CMTM6: variants seen among roughly 807,000 people sequenced by gnomAD.
CMTM6 encodes CKLF like MARVEL transmembrane domain containing 6.
A neutral mutation model predicts 13.6 loss-of-function variants in CMTM6; 5 were observed. That is an observed-to-expected ratio of 0.37 (90% CI 0.19 to 0.77). The LOEUF (loss-of-function observed/expected upper bound fraction) is 0.77. Ranked by LOEUF, CMTM6 falls within the 30% of genes least tolerant of loss-of-function variation. The pLI is 0.50. For missense variants in CMTM6, 196 were observed against 218.6 expected (o/e 0.90, Z 0.65); for synonymous variants, 99 against 84.5 (o/e 1.17, Z -0.94).
At chr3:32,492,394 G>T (rs1190262413) in intron 1 of CMTM6, among the ~76,000 whole-genome samples, 7 of 152,216 alleles carry the variant, frequency 4.6e-5, no homozygotes, top group Admixed American at 4.6e-4. Context: ...TAAGTATAGA[G>T]TTTAAGGGAA....
chr3:32,484,170 G>T, intron 3 of CMTM6, 73 bp from the exon 4 acceptor site: 3 of 1,255,854 alleles, frequency 2.4e-6, no homozygotes, highest in Non-Finnish European at 3.2e-6. Context: ...TTGGCTTGGA[G>T]AATGTTTCAT....
chr3:32,502,558 C>T lies in CMTM6; in HGVS notation c.138+50G>A, dbSNP rs779062964. The stretch of plus-strand genomic sequence containing the variant: ...AGCTCGGCGGCCTCCCAAGCCCGGG[C>T]CAGACCCCGCTCCCCAGCCCGGGCT... On this transcript the variant is annotated intron_variant, in intron 1 of 3. Coordinates refer to ENST00000205636, the MANE Select transcript of CMTM6 (RefSeq NM_017801.3). The T allele has an allele frequency of 7.7e-6, 12 of 1,557,440 alleles. No individual in the cohort carries two copies. The Admixed American group carries it at 1.7e-4, about 22-fold the overall frequency.
At chr3:32,488,169 A>G (rs575243836) in intron 2 of CMTM6, 133 bp from the exon 3 acceptor site, 2 of 615,534 alleles carry the variant, frequency 3.2e-6, no homozygotes, top group East Asian at 2.8e-5. Context: ...TTACATACCC[A>G]AACTTCTAAC....
intron 1 of CMTM6, among the ~76,000 whole-genome samples, chr3:32,499,914 AACCTT>A (rs1040820460): frequency 4.6e-5 from 7 of 152,016 alleles, no homozygotes; most frequent in African/African-American, 1.7e-4. Flanking sequence ...AAAAAAAAAA[AACCTT>A]AAGAGTGCAA....
chr3:32,488,239 T>C (rs1697221686), intron 2 of CMTM6: 1 of 462,374 alleles, frequency 2.2e-6, no homozygotes, highest in Non-Finnish European at 3.9e-6. Context: ...CACACTGGGC[T>C]GGGATTATTG....
intron 1 of CMTM6, 103 bp downstream of exon 1, chr3:32,502,505 T>C (rs1438144861): frequency 1.0e-5 from 15 of 1,443,718 alleles, no homozygotes; most frequent in Admixed American, 2.3e-5. Context: ...AAACCTCCTT[T>C]TACTGAACAA....
At chr3:32,499,639 C>T (rs762088692) in intron 1 of CMTM6, among the ~76,000 whole-genome samples, 4 of 152,168 alleles carry the variant, frequency 2.6e-5, no homozygotes, top group Non-Finnish European at 5.9e-5. Flanking sequence ...AAAGTTAGGA[C>T]TCCAGTAACT....
At chr3:32,486,977 T>G (rs1236867828) in intron 3 of CMTM6, among the ~76,000 whole-genome samples, 1 of 152,220 alleles carries the variant, frequency 6.6e-6, no homozygotes, top group African/African-American at 2.4e-5. Context: ...CTATGCTTCC[T>G]ATAGAGCTGT....
Position 32,481,647 on chromosome 3 carries a change from A to C in CMTM6, c.*2313T>G, listed in dbSNP as rs1277952512. ...TACATAACAGTGGTTTCTGGTCCCA[A>C]GTTCCCCTTGAACTTATTTACTACA... On this transcript the variant is annotated 3_prime_UTR_variant, in exon 4 of 4. Coordinates refer to ENST00000205636, the MANE Select transcript of CMTM6 (RefSeq NM_017801.3). 6.6e-6 allele frequency: 1 copy of C among 152,222 alleles called. No individual in the cohort carries two copies. The highest frequency in any genetic ancestry group is 1.5e-5 in the Non-Finnish European group (1 of 68,044). 9.4% of individuals were successfully genotyped at this position (152,222 alleles called of 1,614,324 possible).
chr3:32,498,939 C>T (rs898367494), intron 1 of CMTM6, among the ~76,000 whole-genome samples: 4 of 151,966 alleles, frequency 2.6e-5, no homozygotes, highest in African/African-American at 7.3e-5. Context: ...ATATTAAATA[C>T]GAATTCTCCA....
At chr3:32,489,435 G>A (rs1697232563) in intron 2 of CMTM6, among the ~76,000 whole-genome samples, 1 of 152,134 alleles carries the variant, frequency 6.6e-6, no homozygotes, top group African/African-American at 2.4e-5. Context: ...TGGATCACCT[G>A]AGGTCAGGAG....
rs543732740 is a variant in CMTM6, at chr3:32,484,033, C to T, written c.479G>A (p.Arg160Gln). The change falls in exon 4 of 4, where the codon CGA (arginine) becomes CAA (glutamine). Residue 160 changes from arginine (R) to glutamine (Q), a missense_variant. Physicochemically the swap from Arg to Gln is conservative, Grantham distance 43 (BLOSUM62 1). This residue lies in a region of CMTM6 where 111 missense variants were observed against 160.0 expected (regional missense o/e 0.69). Coordinates refer to ENST00000205636, the MANE Select transcript of CMTM6 (RefSeq NM_017801.3). ...AGGTTTTCTCAGCTGGGACTCCTGT[C>T]GTTTTTCATACAGCATAGTGATAAA... is the stretch of plus-strand genomic sequence containing the variant. ...LDFITMLYEK[R>Q]QESQLRKPEN... 3.7e-6 allele frequency: 6 copies of T among 1,611,538 alleles called. No individual in the cohort carries two copies. The highest frequency in any genetic ancestry group is 2.2e-5 in the East Asian group (1 of 44,686).
intron 1 of CMTM6, among the ~76,000 whole-genome samples, chr3:32,493,572 T>C (rs553494127): frequency 2.8e-4 from 42 of 152,056 alleles, no homozygotes; most frequent in Middle Eastern, 6.8e-3. Flanking sequence ...AAGATGCAGA[T>C]AAAGATGTGG....
intron 3 of CMTM6, among the ~76,000 whole-genome samples, chr3:32,484,365 G>A (rs572137383): frequency 4.0e-4 from 61 of 152,092 alleles, no homozygotes; most frequent in African/African-American, 1.5e-3. Flanking sequence ...ATATGTGGAG[G>A]GCTAATATAT....
rs1046999777 is a variant in CMTM6, at chr3:32,483,557, AT to A, written c.*402del. 2 of 153,026 alleles carry A rather than the reference AT, an allele frequency of 1.3e-5. No individual in the cohort carries two copies. Among genetic ancestry groups the A allele is most frequent in the African/African-American group, 4.8e-5 (2 of 41,502 alleles). The allele number at this position is 153,026 out of a possible 1,614,324, so 9.5% of individuals were successfully genotyped here. On this transcript the variant is annotated 3_prime_UTR_variant, in exon 4 of 4. Transcript: ENST00000205636. ...AACAGCTAAGCAAATTAATTTAAAA[AT>A]AAAACAATTTCTAAGTAGATGAATA...
Position 32,483,990 on chromosome 3 carries a change from A to AT in CMTM6, c.521_522insA (p.Glu175Ter). The AT allele has an allele frequency of 1.2e-6, 2 of 1,610,196 alleles. No individual in the cohort carries two copies. The highest frequency in any genetic ancestry group is 8.5e-7 in the Non-Finnish European group (1 of 1,178,802). On this transcript the variant is annotated frameshift_variant, in exon 4 of 4. Coordinates refer to ENST00000205636, the MANE Select transcript of CMTM6 (RefSeq NM_017801.3). LOFTEE classifies it high-confidence loss of function. ...CATTAAGTGGCTCAGTGAGGGCTTC[A>AT]GCCCTAGTGGTATTTTCAGGTTTTC...
At chr3:32,487,097 G>C (rs1165662629) in intron 3 of CMTM6, among the ~76,000 whole-genome samples, 1 of 152,048 alleles carries the variant, frequency 6.6e-6, no homozygotes, top group Non-Finnish European at 1.5e-5. Context: ...GGACAAGCAA[G>C]TTTTTTTTCT....
Position 32,491,723 on chromosome 3 carries a change from T to G in CMTM6, c.302A>C (p.Lys101Thr), listed in dbSNP as rs1417856664. Residue 101 changes from lysine (K) to threonine (T), a missense_variant, in exon 2 of 4, where the codon AAA (lysine) becomes ACA (threonine). Coordinates refer to ENST00000205636, the MANE Select transcript of CMTM6 (RefSeq NM_017801.3). ...TCTCATGCTTACCGATGATTTTACT[T>G]TTGTGGTATCAACTCTCTCATAAAA... Reference protein sequence around the residue: ...TPFYERVDTTKVKSSDFYITL... With the variant: ...TPFYERVDTTTVKSSDFYITL... 6.3e-7 allele frequency: 1 copy of G among 1,592,954 alleles called. No homozygotes were observed. Among genetic ancestry groups the G allele is most frequent in the Non-Finnish European group, 8.5e-7 (1 of 1,171,630 alleles).
intron 1 of CMTM6, among the ~76,000 whole-genome samples, chr3:32,501,847 C>T (rs1168979431): frequency 1.3e-5 from 2 of 152,190 alleles, no homozygotes; most frequent in Non-Finnish European, 2.9e-5. Context: ...TGGAACAGTA[C>T]ATAGGAGCCA....
Sources: gnomAD v4.1 joint callset for allele counts (sites outside exome capture counted in the v4.1 genomes callset) on GRCh38, gnomAD v4.1.1 for gene constraint, gnomAD v4.1.1 regional missense constraint, MANE v1.5 for transcripts, NCBI Gene and HGNC (gene_info 2026-07-23, HGNC 2026-07-21) for gene names.